The following RXYLT1 variants were observed in gnomAD, a reference collection of about 807,000 sequenced individuals.
The protein encoded by RXYLT1 is ribitol xylosyltransferase 1, also known as ribitol-5-phosphate xylosyltransferase 1.
RXYLT1 carries 41 observed loss-of-function variants against 43.5 expected under a neutral mutation model. That is an observed-to-expected ratio of 0.94 (90% confidence interval 0.73 to 1.22). The LOEUF is 1.22. RXYLT1 is among the 50% of genes most tolerant of loss of function. RXYLT1 has a pLI of 0.00. For synonymous variants in RXYLT1, 166 were observed against 194.4 expected (o/e 0.85, Z 1.21); for missense variants, 514 against 532.0 (o/e 0.97, Z 0.33).
intron 3 of RXYLT1, among the ~76,000 whole-genome samples, chr12:63,798,540 G>C (rs1194513485): frequency 6.6e-6 from 1 of 152,122 alleles, no homozygotes; most frequent in Admixed American, 6.5e-5. Flanking sequence ...GTGGTTCCTT[G>C]ACGGAGGCAC....
rs528387348 is a variant in RXYLT1, at chr12:63,779,951, C to G, written c.-10C>G. The G allele has an allele frequency of 6.2e-7, 1 of 1,610,562 alleles. No homozygotes were observed. Among genetic ancestry groups the G allele is most frequent in the African/African-American group, 1.3e-5 (1 of 74,682 alleles). ...ATGGCGGTGGATGCCTGACTGGAAG[C>G]CCGAGTGGGATGCGGCTGACGCGGA... is the stretch of plus-strand genomic sequence containing the variant. On this transcript the variant is annotated 5_prime_UTR_variant, in exon 1 of 6. Coordinates refer to ENST00000261234, the MANE Select transcript of RXYLT1 (RefSeq NM_014254.3).
intron 3 of RXYLT1, among the ~76,000 whole-genome samples, chr12:63,788,497 A>T (rs1188929493): frequency 6.6e-6 from 1 of 152,226 alleles, no homozygotes; most frequent in South Asian, 2.1e-4. Flanking sequence ...TGCAGCTTCT[A>T]CATTAGTACT....
At position 63,803,181 on chromosome 12, in the gene RXYLT1, CAAAAAAAAAAAAAAAAAA is replaced by C. The variant is rs763579072; in HGVS notation, c.743+789_743+806del. ...ACAGAGTGAGATGAGACTGTCTCAC[CAAAAAAAAAAAAAAAAAA>C]AAAAAAAAAAAAGATATAGTCTTTC... On this transcript the variant is annotated intron_variant, in intron 4 of 5. Transcript: ENST00000261234. 1.8e-4 allele frequency among the ~76,000 whole-genome samples: 4 copies of C among 22,596 alleles called. 1 individual carries two copies. In the East Asian group the frequency reaches 3.9e-3, roughly 22 times the overall value. The allele number at this position is 22,596 out of a possible 152,430, so 14.8% of individuals were successfully genotyped here. A position where few individuals can be genotyped will look rare whatever the true frequency, so the allele number is the denominator to read the frequency against.
intron 3 of RXYLT1, among the ~76,000 whole-genome samples, chr12:63,787,047 A>G (rs1427035463): frequency 2.0e-5 from 3 of 152,106 alleles, no homozygotes; most frequent in African/African-American, 7.2e-5. Context: ...TGGGAGTCAG[A>G]GGATGCAGTG....
chr12:63,806,356 A>G (rs561989854), intron 5 of RXYLT1: 2 of 152,390 alleles, frequency 1.3e-5, no homozygotes, highest in Non-Finnish European at 2.9e-5. Context: ...GAAGAATGGC[A>G]TAGAAAGAGC....
chr12:63,785,057 G>C lies in RXYLT1; in HGVS notation c.413G>C (p.Gly138Ala). ...AQWREGKSIV[G>A]RTQYSFITGP... is the part of the protein sequence containing the mutation. ...TGGAGAGAAGGAAAGTCAATCGTAG[G>C]AAGAACACAGTACAGGTATTGGTTG... Residue 138 changes from glycine (G) to alanine (A), a missense_variant, in exon 3 of 6, where the codon GGA becomes GCA. Transcript: ENST00000261234. The C allele has an allele frequency of 6.2e-7, 1 of 1,613,556 alleles. No homozygotes were observed. Among genetic ancestry groups the C allele is most frequent in the South Asian group, 1.1e-5 (1 of 91,060 alleles).
chr12:63,782,053 G>A (rs1897696421), intron 2 of RXYLT1, among the ~76,000 whole-genome samples: 1 of 151,988 alleles, frequency 6.6e-6, no homozygotes, highest in East Asian at 1.9e-4. Flanking sequence ...CTCTAATATT[G>A]ATTTCTTCTT....
intron 3 of RXYLT1, chr12:63,785,433 C>T (rs76948828): frequency 0.053 from 8,150 of 152,786 alleles, 521 homozygotes; most frequent in East Asian, 0.28. Context: ...TCATTTTTCT[C>T]TTTCATGTAA....
intron 5 of RXYLT1, 130 bp from the exon 6 acceptor site, chr12:63,808,545 T>C: frequency 2.0e-6 from 2 of 977,470 alleles, no homozygotes; most frequent in Non-Finnish European, 3.0e-6. Context: ...TTTGGATATC[T>C]CTTATGCCTA....
rs151170325 is a variant in RXYLT1, at chr12:63,802,051, CTTTG to C, written c.429-34_429-31del. 1,418 of 1,519,528 alleles carry C rather than the reference CTTTG, an allele frequency of 9.3e-4. 17 individuals are homozygous for C. In the African/African-American group the frequency reaches 0.017, roughly 19 times the overall value. 94.1% of individuals were successfully genotyped at this position (1,519,528 alleles called of 1,614,324 possible). A position where few individuals can be genotyped will look rare whatever the true frequency, so the allele number is the denominator to read the frequency against. Reference sequence around the variant, plus strand: ...CTGATACCACATACCTTTGTTCAGGCTTTGTTTGTCTCTTGTTTTTGTTGTGTTG... The same window carrying C: ...CTGATACCACATACCTTTGTTCAGGCTTTGTCTCTTGTTTTTGTTGTGTTG... On this transcript the variant is annotated intron_variant, in intron 3 of 5. Transcript: ENST00000261234.
At chr12:63,787,195 C>G (rs1272500073) in intron 3 of RXYLT1, among the ~76,000 whole-genome samples, 2 of 152,166 alleles carry the variant, frequency 1.3e-5, no homozygotes, top group Non-Finnish European at 2.9e-5. Flanking sequence ...CCTTTATTGT[C>G]ACTTCACCAA....
chr12:63,780,189 G>A, intron 1 of RXYLT1, 60 bp downstream of exon 1: 1 of 1,398,980 alleles, frequency 7.1e-7, no homozygotes, highest in East Asian at 2.9e-5. Flanking sequence ...CTGCTGGGCG[G>A]CTGGGGCCGG....
chr12:63,808,857 CTG>C lies in RXYLT1; in HGVS notation c.1100_1101del (p.Val367AlafsTer42). 1 of 1,614,134 alleles carries C rather than the reference CTG, an allele frequency of 6.2e-7. No homozygotes were observed. The highest frequency in any genetic ancestry group is 2.2e-5 in the East Asian group (1 of 44,866). On this transcript the variant is annotated frameshift_variant, in exon 6 of 6. Coordinates refer to ENST00000261234, the MANE Select transcript of RXYLT1 (RefSeq NM_014254.3). LOFTEE classifies it high-confidence loss of function. ...ACAGCTGGCAACTGTGGGAATACAT[CTG>C]TGCACCACGGTGCTCCTCTGCAGTT...
intron 2 of RXYLT1, chr12:63,782,607 A>G (rs1249952746): frequency 2.2e-6 from 1 of 456,676 alleles, no homozygotes; most frequent in South Asian, 1.5e-5. Context: ...TGTGTATGTC[A>G]CAGGATTCAC....
At chr12:63,796,401 T>C (rs1180123623) in intron 3 of RXYLT1, among the ~76,000 whole-genome samples, 1 of 152,232 alleles carries the variant, frequency 6.6e-6, no homozygotes, top group Non-Finnish European at 1.5e-5. Flanking sequence ...TTTTTTCCAT[T>C]GTGATATTTA....
intron 4 of RXYLT1, among the ~76,000 whole-genome samples, chr12:63,803,484 A>G (rs1314788337): frequency 6.6e-6 from 1 of 152,080 alleles, no homozygotes; most frequent in African/African-American, 2.4e-5. Flanking sequence ...ATTATTCATC[A>G]TTCTGTCCCT....
chr12:63,805,394 G>T lies in RXYLT1; in HGVS notation c.904G>T (p.Ala302Ser). The change falls in exon 5 of 6, where the codon GCA becomes TCA. Residue 302 changes from alanine to serine, a missense_variant. Ala to Ser is a moderately conservative substitution (Grantham distance 99). Transcript: ENST00000261234. Reference protein sequence around the residue: ...DGNDKLCWVSAREHWQPQETN... With the variant: ...DGNDKLCWVSSREHWQPQETN... ...GAACGATAAGCTTTGTTGGGTTTCAGCAAGAGAACAGTAAGTTCTATGCTT... is the reference window on the plus strand; with the variant it reads ...GAACGATAAGCTTTGTTGGGTTTCATCAAGAGAACAGTAAGTTCTATGCTT... 6.2e-7 allele frequency: 1 copy of T among 1,601,638 alleles called. No individual in the cohort carries two copies. The highest frequency in any genetic ancestry group is 8.5e-7 in the Non-Finnish European group (1 of 1,175,738).
chr12:63,782,636 C>T, intron 2 of RXYLT1: 1 of 456,652 alleles, frequency 2.2e-6, no homozygotes, highest in South Asian at 1.5e-5. Flanking sequence ...ATGGGAAGCT[C>T]CTCTGCAGAT....
chr12:63,784,854 A>G, intron 2 of RXYLT1, 116 bp from the exon 3 acceptor site: 1 of 775,598 alleles, frequency 1.3e-6, no homozygotes, highest in Admixed American at 2.4e-5. Context: ...CCCAAAGGAG[A>G]GGCATTCTGG....
Sources: allele counts gnomAD v4.1 joint callset (sites outside exome capture counted in the v4.1 genomes callset), GRCh38; gene constraint gnomAD v4.1.1; transcripts MANE v1.5; gene names NCBI Gene and HGNC (gene_info 2026-07-23, HGNC 2026-07-21).